XRRA1: variants seen among roughly 807,000 people sequenced by gnomAD.
The protein encoded by XRRA1 is X-ray radiation resistance associated 1, also known as X-ray radiation resistance-associated protein 1.
XRRA1 carries 69 observed loss-of-function variants against 80.2 expected under a neutral mutation model. That is an observed-to-expected ratio of 0.86 (90% CI 0.71 to 1.05). The LOEUF (loss-of-function observed/expected upper bound fraction) is 1.05. XRRA1 is among the 50% of genes least tolerant of loss of function. The pLI, the probability that XRRA1 is intolerant of heterozygous loss-of-function variation, is 0.00. For missense variants in XRRA1, 967 were observed against 976.4 expected, an observed-to-expected ratio of 0.99 and a Z score of 0.13; for synonymous variants, 348 against 389.9, an observed-to-expected ratio of 0.89 and a Z score of 1.27.
At chr11:74,904,329 A>G (rs1222485054) in intron 10 of XRRA1, among the ~76,000 whole-genome samples, 1 of 152,052 alleles carries the variant, frequency 6.6e-6, no homozygotes, top group Non-Finnish European at 1.5e-5. Context: ...GGTAATAGCC[A>G]GGTGCAGTGG....
At chr11:74,900,459 G>A (rs140402686) in intron 10 of XRRA1, among the ~76,000 whole-genome samples, 3,764 of 152,168 alleles carry the variant, frequency 0.025, 163 homozygotes, top group African/African-American at 0.086. Flanking sequence ...GCATATGCCT[G>A]TAATCCCAGC....
intron 10 of XRRA1, among the ~76,000 whole-genome samples, chr11:74,892,061 G>C (rs1256503108): frequency 2.0e-5 from 3 of 152,052 alleles, no homozygotes; most frequent in African/African-American, 7.2e-5. Flanking sequence ...CTACTTTAAA[G>C]TTCATATGGA....
chr11:74,848,710 G>A (rs1565221952), intron 14 of XRRA1, among the ~76,000 whole-genome samples: 3 of 152,190 alleles, frequency 2.0e-5, no homozygotes, highest in African/African-American at 7.2e-5. Flanking sequence ...GGAAACAGGG[G>A]CTTAGAGAGG....
chr11:74,843,333 C>T lies in XRRA1; in HGVS notation c.2270G>A (p.Arg757His), dbSNP rs764865635. ...RYRQLVSGSL[R>H]TVFGTTPLPM... is the part of the protein sequence containing the mutation. ...GAGCGGGGTAGTCCCGAACACTGTGCGCAGAGAGCCACTCACCAGCTGCCG... is the reference window on the plus strand; with the variant it reads ...GAGCGGGGTAGTCCCGAACACTGTGTGCAGAGAGCCACTCACCAGCTGCCG... The change falls in exon 19 of 19, where the codon CGC (arginine) becomes CAC (histidine). Residue 757 changes from arginine to histidine, a missense_variant. Physicochemically the swap from Arg to His is conservative, Grantham distance 29. Transcript: ENST00000684022. 32 of 1,608,458 alleles carry T rather than the reference C, an allele frequency of 2.0e-5. No individual in the cohort carries two copies. Among genetic ancestry groups the T allele is most frequent in the African/African-American group, 4.0e-5 (3 of 74,820 alleles).
intron 10 of XRRA1, among the ~76,000 whole-genome samples, chr11:74,871,522 C>T (rs545082593): frequency 1.3e-5 from 2 of 152,336 alleles, no homozygotes; most frequent in Admixed American, 1.3e-4. Context: ...GACAATCAAC[C>T]AAGCTCTTTT....
intron 10 of XRRA1, among the ~76,000 whole-genome samples, chr11:74,897,186 AAAG>A (rs1210267524): frequency 6.6e-6 from 1 of 152,104 alleles, no homozygotes; most frequent in African/African-American, 2.4e-5. Context: ...AAATAATTAA[AAAG>A]AATCAAGCAG....
At chr11:74,930,608 T>TA (rs766185024) in intron 5 of XRRA1, among the ~76,000 whole-genome samples, 2 of 152,228 alleles carry the variant, frequency 1.3e-5, no homozygotes, top group African/African-American at 4.8e-5. Context: ...AAGACCCATA[T>TA]AACCACTATC....
At chr11:74,857,844 CTT>C (rs966108653) in intron 12 of XRRA1, among the ~76,000 whole-genome samples, 1 of 152,116 alleles carries the variant, frequency 6.6e-6, no homozygotes, top group Non-Finnish European at 1.5e-5. Context: ...AATTAACTAA[CTT>C]ATAAATAACC....
intron 10 of XRRA1, among the ~76,000 whole-genome samples, chr11:74,886,716 T>A (rs2049121478): frequency 6.6e-6 from 1 of 152,106 alleles, no homozygotes; most frequent in Non-Finnish European, 1.5e-5. Flanking sequence ...AAAAAGTATT[T>A]AAAAATTTAT....
intron 10 of XRRA1, among the ~76,000 whole-genome samples, chr11:74,889,714 C>T (rs2050122022): frequency 6.6e-6 from 1 of 152,034 alleles, no homozygotes; most frequent in Non-Finnish European, 1.5e-5. Flanking sequence ...GGAAGATCTA[C>T]CAAGCAAGTG....
intron 12 of XRRA1, among the ~76,000 whole-genome samples, chr11:74,854,435 C>T (rs1423825605): frequency 6.6e-6 from 1 of 152,150 alleles, no homozygotes; most frequent in African/African-American, 2.4e-5. Context: ...CTTTGCAGAC[C>T]ATATGGTTTC....
intron 6 of XRRA1, among the ~76,000 whole-genome samples, chr11:74,929,935 C>T (rs1039080417): frequency 2.6e-5 from 4 of 152,096 alleles, no homozygotes; most frequent in African/African-American, 4.8e-5. Flanking sequence ...CAGCAGGGGT[C>T]GCTGTGGACT....
intron 1 of XRRA1, among the ~76,000 whole-genome samples, chr11:74,945,658 A>G (rs539028747): frequency 1.3e-5 from 2 of 151,234 alleles, no homozygotes; most frequent in East Asian, 3.9e-4. Flanking sequence ...TATATGGTAG[A>G]AAAAAAAGTC....
intron 10 of XRRA1, among the ~76,000 whole-genome samples, chr11:74,869,775 C>G (rs915370714): frequency 2.6e-5 from 4 of 152,174 alleles, no homozygotes; most frequent in Non-Finnish European, 5.9e-5. Context: ...CAGATACTGC[C>G]TCCTCATCAG....
chr11:74,933,842 C>G lies in XRRA1; in HGVS notation c.310G>C (p.Asp104His), dbSNP rs1217968318. ...LKHHCVRKPS[D>H]LCTINVSGLK... ...CCACTCACATTAATGGTGCACAGAT[C>G]TGATGGCTTCCTCACACAGTGGTGC... Residue 104 changes from aspartate to histidine, a missense_variant, in exon 5 of 19, where the codon GAT (aspartate) becomes CAT (histidine). Coordinates refer to ENST00000684022, the MANE Select transcript of XRRA1 (RefSeq NM_001378157.1). The G allele has an allele frequency of 6.2e-7, 1 of 1,604,474 alleles. No homozygotes were observed.
chr11:74,948,713 C>T (rs1948165633), intron 1 of XRRA1, among the ~76,000 whole-genome samples: 1 of 152,134 alleles, frequency 6.6e-6, no homozygotes, highest in South Asian at 2.1e-4. Context: ...ACATAGGATA[C>T]TGCCTGGCAG....
At chr11:74,928,156 T>C (rs1024292432) in intron 6 of XRRA1, among the ~76,000 whole-genome samples, 2 of 152,234 alleles carry the variant, frequency 1.3e-5, no homozygotes, top group African/African-American at 4.8e-5. Flanking sequence ...AGAAACTATA[T>C]GAATAAATGT....
chr11:74,849,839 G>T (rs1157955628), intron 14 of XRRA1, among the ~76,000 whole-genome samples: 1 of 152,186 alleles, frequency 6.6e-6, no homozygotes, highest in Non-Finnish European at 1.5e-5. Flanking sequence ...GCTCTGGCAG[G>T]TTCTCCATTT....
At chr11:74,899,183 A>C (rs1251678421) in intron 10 of XRRA1, among the ~76,000 whole-genome samples, 2 of 152,192 alleles carry the variant, frequency 1.3e-5, no homozygotes, top group Admixed American at 1.3e-4. Flanking sequence ...GAAGAAATTA[A>C]GATGGAAATT....
Sources: allele counts gnomAD v4.1 joint callset (sites outside exome capture counted in the v4.1 genomes callset), GRCh38; gene constraint gnomAD v4.1.1; transcripts MANE v1.5; gene names NCBI Gene and HGNC (gene_info 2026-07-23, HGNC 2026-07-21).